ZNF280B: variants seen among roughly 807,000 people sequenced by gnomAD.
ZNF280B encodes suppressor of hairy wing homolog 2.
A neutral mutation model predicts 38.0 loss-of-function variants in ZNF280B; 16 were observed. The ratio of observed to expected loss-of-function variants is 0.42; its 90% CI spans 0.28 to 0.64. ZNF280B has a LOEUF of 0.64. ZNF280B is among the 30% of genes least tolerant of loss of function. The pLI, the probability that ZNF280B is intolerant of heterozygous loss-of-function variation, is 0.21. For synonymous variants in ZNF280B, 253 were observed against 230.6 expected, an observed-to-expected ratio of 1.10 and a Z score of -0.88; for missense variants, 581 against 639.6, an observed-to-expected ratio of 0.91 and a Z score of 0.99.
At chr22:22,495,978 G>A (rs1458899222) in intron 2 of ZNF280B, among the ~76,000 whole-genome samples, 2 of 150,264 alleles carry the variant, frequency 1.3e-5, no homozygotes, top group Non-Finnish European at 3.0e-5. Context: ...GCGAATTTTT[G>A]TATTTTTAGT....
At chr22:22,491,923 T>A (rs939952755) in intron 3 of ZNF280B, among the ~76,000 whole-genome samples, 1 of 151,932 alleles carries the variant, frequency 6.6e-6, no homozygotes, top group Non-Finnish European at 1.5e-5. Flanking sequence ...TAAAAACATA[T>A]CAAGATTCAC....
At chr22:22,498,792 C>G (rs2061753203) in intron 2 of ZNF280B, among the ~76,000 whole-genome samples, 1 of 50,470 alleles carries the variant, frequency 2.0e-5, no homozygotes, top group African/African-American at 7.9e-5. Context: ...AGGCCAATAT[C>G]CTTTTTTTTT....
intron 3 of ZNF280B, among the ~76,000 whole-genome samples, chr22:22,489,754 A>G (rs1301875422): frequency 2.0e-5 from 3 of 151,866 alleles, no homozygotes; most frequent in Non-Finnish European, 4.4e-5. Flanking sequence ...TGAGGGCATC[A>G]TTGTGCAGTG....
intron 2 of ZNF280B, among the ~76,000 whole-genome samples, chr22:22,499,314 G>T (rs1264806037): frequency 6.6e-6 from 1 of 151,446 alleles, no homozygotes; most frequent in Non-Finnish European, 1.5e-5. Flanking sequence ...GCCCAGGCTG[G>T]AGTGAAATGG....
intron 2 of ZNF280B, among the ~76,000 whole-genome samples, chr22:22,504,742 TAA>T (rs1462579519): frequency 1.3e-5 from 2 of 151,872 alleles, no homozygotes; most frequent in Non-Finnish European, 2.9e-5. Context: ...CACAAAAAAC[TAA>T]GAGAGAAATT....
intron 2 of ZNF280B, among the ~76,000 whole-genome samples, chr22:22,505,474 G>A (rs907057050): frequency 6.6e-6 from 1 of 151,914 alleles, no homozygotes; most frequent in African/African-American, 2.4e-5. Context: ...GCTGAGGCAG[G>A]AGAATTGCTT....
intron 2 of ZNF280B, among the ~76,000 whole-genome samples, chr22:22,506,209 C>G (rs1007797203): frequency 1.3e-5 from 2 of 151,612 alleles, no homozygotes; most frequent in African/African-American, 4.9e-5. Context: ...ATTTAAAACA[C>G]AAGACTGGAT....
intron 3 of ZNF280B, among the ~76,000 whole-genome samples, chr22:22,490,500 A>G (rs1178002368): frequency 6.6e-6 from 1 of 151,724 alleles, no homozygotes; most frequent in Non-Finnish European, 1.5e-5. Context: ...TATTTTTTTG[A>G]GATGGAGTCC....
At chr22:22,507,438 G>T (rs1054522151) in intron 2 of ZNF280B, among the ~76,000 whole-genome samples, 10 of 151,852 alleles carry the variant, frequency 6.6e-5, no homozygotes, top group Middle Eastern at 3.2e-3. Context: ...GGCATGCAAT[G>T]ACTTCAGATG....
At chr22:22,501,609 GGCTCAT>G (rs1255514612) in intron 2 of ZNF280B, among the ~76,000 whole-genome samples, 1 of 151,802 alleles carries the variant, frequency 6.6e-6, no homozygotes, top group East Asian at 2.0e-4. Context: ...TAGACACAGT[GGCTCAT>G]GCCTGTAATC....
At position 22,487,516 on chromosome 22, in the gene ZNF280B, TCACA is replaced by T. The variant is rs1176358434; in HGVS notation, c.*247_*250del. On this transcript the variant is annotated 3_prime_UTR_variant, in exon 4 of 4. Coordinates refer to ENST00000626650, the MANE Select transcript of ZNF280B (RefSeq NM_080764.4). Reference sequence around the variant, plus strand: ...ATAAATTAATACCTTTTTCTCTCTCTCACACACACACACAAACACCTTTTATGTG... The same window carrying T: ...ATAAATTAATACCTTTTTCTCTCTCTCACACACACAAACACCTTTTATGTG... 23 of 317,238 alleles carry T rather than the reference TCACA, an allele frequency of 7.3e-5. No homozygotes were observed. Among genetic ancestry groups the T allele is most frequent in the African/African-American group, 1.1e-4 (5 of 45,434 alleles). 19.7% of individuals were successfully genotyped at this position (317,238 alleles called of 1,614,324 possible).
intron 2 of ZNF280B, among the ~76,000 whole-genome samples, chr22:22,503,155 G>A (rs1027228590): frequency 1.3e-5 from 2 of 151,878 alleles, no homozygotes; most frequent in African/African-American, 2.4e-5. Flanking sequence ...CTGACCTCCC[G>A]AACTAAGGGA....
At chr22:22,494,974 C>T (rs1408793710) in intron 2 of ZNF280B, among the ~76,000 whole-genome samples, 4 of 151,916 alleles carry the variant, frequency 2.6e-5, no homozygotes, top group Non-Finnish European at 5.9e-5. Context: ...GATCTGCCTG[C>T]GTCGGCCTCC....
rs775655024 is a variant in ZNF280B at position 22,488,840 on chromosome 22, T to C, written c.559A>G (p.Arg187Gly). The C allele has an allele frequency of 5.3e-5, 86 of 1,613,708 alleles. No homozygotes were observed. Among genetic ancestry groups the C allele is most frequent in the Non-Finnish European group, 7.0e-5 (83 of 1,179,980 alleles). The change falls in exon 4 of 4, where the codon AGG (arginine) becomes GGG (glycine). Residue 187 changes from arginine (R) to glycine (G), a missense_variant. By Grantham distance (125) the Arg-to-Gly change is moderately radical (BLOSUM62 -2). Coordinates refer to ENST00000626650, the MANE Select transcript of ZNF280B (RefSeq NM_080764.4). ...ATAATTCCATCCCTGAGTTTAGCCCTTTTGGGATTTATGCTGTTTACTTCG... is the reference window on the plus strand; with the variant it reads ...ATAATTCCATCCCTGAGTTTAGCCCCTTTGGGATTTATGCTGTTTACTTCG... ...TFEVNSINPK[R>G]AKLRDGIIEG...
upstream of ZNF280B, chr22:22,509,119 TG>T: frequency 6.6e-6 from 1 of 152,664 alleles, no homozygotes; most frequent in Non-Finnish European, 1.5e-5. Flanking sequence ...AGCCAGGGCT[TG>T]GGGTGGGGGG....
In ZNF280B at chr22:22,486,969, T is replaced by C. The variant is rs1169870507; in HGVS notation, c.*798A>G. On this transcript the variant is annotated 3_prime_UTR_variant, in exon 4 of 4. Coordinates refer to ENST00000626650, the MANE Select transcript of ZNF280B (RefSeq NM_080764.4). Reference sequence around the variant, plus strand: ...TATGCCAGCACAGCAGAGGCACTTCTGGGAATTCGGCAGCAAGTGGGCCAG... The same window carrying C: ...TATGCCAGCACAGCAGAGGCACTTCCGGGAATTCGGCAGCAAGTGGGCCAG... 2 of 152,032 alleles carry C rather than the reference T, an allele frequency of 1.3e-5. No homozygotes were observed. Among genetic ancestry groups the C allele is most frequent in the Non-Finnish European group, 2.9e-5 (2 of 68,028 alleles). 9.4% of individuals were successfully genotyped at this position (152,032 alleles called of 1,614,324 possible).
intron 2 of ZNF280B, among the ~76,000 whole-genome samples, chr22:22,497,208 TAAAAAAAAAAAAAAAAAAAAAAAA>T (rs71199486): frequency 6.2e-4 from 21 of 33,638 alleles, no homozygotes; most frequent in East Asian, 3.5e-3. Context: ...TCTCCATCTT[TAAAAAAAAAAAAAAAAAAAAAAAA>T]AAAAAAAAAA....
In ZNF280B at chr22:22,485,431, G is replaced by A. The variant is rs965995768; in HGVS notation, c.*2336C>T. 3.3e-5 allele frequency: 5 copies of A among 151,860 alleles called. No homozygotes were observed. Among genetic ancestry groups the A allele is most frequent in the African/African-American group, 9.7e-5 (4 of 41,340 alleles). 9.4% of individuals were successfully genotyped at this position (151,860 alleles called of 1,614,324 possible). ...TTCTTCAACTAAAGAAAGGATTCAG[G>A]CTGTAATTTTAGCAAAGTGTCTTAA... On this transcript the variant is annotated 3_prime_UTR_variant, in exon 4 of 4. Transcript: ENST00000626650.
chr22:22,506,835 A>C (rs1214969871), intron 2 of ZNF280B, among the ~76,000 whole-genome samples: 1 of 151,904 alleles, frequency 6.6e-6, no homozygotes, highest in Non-Finnish European at 1.5e-5. Flanking sequence ...CCTATGGAAA[A>C]GGGTTAAATG....
Sources: gnomAD v4.1 joint callset for allele counts (sites outside exome capture counted in the v4.1 genomes callset) on GRCh38, gnomAD v4.1.1 for gene constraint, MANE v1.5 for transcripts, NCBI Gene and HGNC (gene_info 2026-07-23, HGNC 2026-07-21) for gene names.